Variants in STAT4 observed in about 807,000 individuals in gnomAD.
STAT4 encodes signal transducer and activator of transcription 4.
A neutral mutation model predicts 110.5 loss-of-function variants in STAT4; 42 were observed. The observed-to-expected ratio is 0.38, with a 90% CI of 0.30 to 0.49. The LOEUF (loss-of-function observed/expected upper bound fraction) is 0.49, where lower values mean the gene tolerates loss of function less well. Among genes scored for constraint, STAT4 ranks in the 20% least tolerant of loss-of-function variants. The pLI, the probability that STAT4 is intolerant of heterozygous loss-of-function variation, is 0.95. For missense variants in STAT4, 632 were observed against 887.9 expected, an observed-to-expected ratio of 0.71 and a Z score of 3.66; for synonymous variants, 284 against 302.2, an observed-to-expected ratio of 0.94 and a Z score of 0.63.
rs1212056619 is a variant in STAT4, at chr2:191,112,568, AGGATAGT to A, written c.273+34038_273+34044del. ...CTGTGGCACAATCTATATGTAGTAT[AGGATAGT>A]GATGAAACCAAAAGAAGCAATGAAT... On this transcript the variant is annotated intron_variant, in intron 3 of 23. Transcript: ENST00000392320. This position sits in a 1 kb window ranked among gnomAD's most constrained non-coding sequence, Gnocchi z 4.3. Among the ~76,000 whole-genome samples the A allele has an allele frequency of 6.6e-6, 1 of 152,276 alleles. No homozygotes were observed. Among genetic ancestry groups the A allele is most frequent in the Non-Finnish European group, 1.5e-5 (1 of 68,048 alleles).
At chr2:191,098,274 A>G (rs1245726161) in intron 3 of STAT4, among the ~76,000 whole-genome samples, 1 of 152,232 alleles carries the variant, frequency 6.6e-6, no homozygotes, top group Non-Finnish European at 1.5e-5. Context: ...TATACATCCA[A>G]AGGATTATAA....
intron 3 of STAT4, among the ~76,000 whole-genome samples, chr2:191,136,740 G>A (rs999612538): frequency 5.9e-5 from 9 of 152,158 alleles, no homozygotes; most frequent in African/African-American, 1.7e-4. Context: ...GGGTGACAGA[G>A]TGAGACTCTG....
At chr2:191,064,746 T>A in intron 8 of STAT4, 61 bp downstream of exon 8, 3 of 1,561,700 alleles carry the variant, frequency 1.9e-6, no homozygotes, top group Non-Finnish European at 1.7e-6. Context: ...TCTGGCTGAG[T>A]GACACTGAAG....
intron 3 of STAT4, among the ~76,000 whole-genome samples, chr2:191,133,411 A>G (rs1226543219): frequency 7.0e-6 from 1 of 141,934 alleles, no homozygotes; most frequent in African/African-American, 2.6e-5. Flanking sequence ...TATAAAAGCT[A>G]TGGAGGAAAA....
chr2:191,115,574 A>C (rs937689296), intron 3 of STAT4, among the ~76,000 whole-genome samples: 5 of 152,212 alleles, frequency 3.3e-5, no homozygotes, highest in Non-Finnish European at 5.9e-5. Context: ...TCTTGATGCT[A>C]TCTTATCAGA....
At position 191,083,685 on chromosome 2, in the gene STAT4, TGGTTG is replaced by T. The variant is rs1697550783; in HGVS notation, c.274-7365_274-7361del. On this transcript the variant is annotated intron_variant, in intron 3 of 23. Coordinates refer to ENST00000392320, the MANE Select transcript of STAT4 (RefSeq NM_003151.4). The surrounding 1 kb of genome is among the most constrained non-coding windows in gnomAD (Gnocchi z 4.6). ...AAATGTGCAACCTACTGCGTACTTC[TGGTTG>T]CCAACTAGCTCTCTCTCCCTTTGCA... Among the ~76,000 whole-genome samples the T allele has an allele frequency of 6.6e-6, 1 of 152,190 alleles. No homozygotes were observed. The highest frequency in any genetic ancestry group is 1.5e-5 in the Non-Finnish European group (1 of 68,040).
rs1698217565 is a variant in STAT4, at chr2:191,104,259, T to G, written c.274-27934A>C. Among the ~76,000 whole-genome samples the G allele has an allele frequency of 1.3e-5, 2 of 152,204 alleles. No individual in the cohort carries two copies. ...TTTTCCAAATTTCTTGTAATTAATT[T>G]GCATTACTCGTATAATTTTTAAAAA... On this transcript the variant is annotated intron_variant, in intron 3 of 23. Transcript: ENST00000392320. The surrounding 1 kb of genome is among the most constrained non-coding windows in gnomAD (Gnocchi z 4.3).
chr2:191,058,258 A>T lies in STAT4; in HGVS notation c.1095-39T>A. 6.4e-7 allele frequency: 1 copy of T among 1,558,718 alleles called. No homozygotes were observed. Among genetic ancestry groups the T allele is most frequent in the Non-Finnish European group, 8.8e-7 (1 of 1,133,486 alleles). ...AAGATTCTTTAAAACAAGCTATTTAATAGATCTAGGAATAACTTTCTATGA... is the reference window on the plus strand; with the variant it reads ...AAGATTCTTTAAAACAAGCTATTTATTAGATCTAGGAATAACTTTCTATGA... On this transcript the variant is annotated intron_variant, in intron 11 of 23. Transcript: ENST00000392320. This position sits in a 1 kb window ranked among gnomAD's most constrained non-coding sequence, Gnocchi z 4.3.
At chr2:191,121,714 C>T (rs1477079446) in intron 3 of STAT4, among the ~76,000 whole-genome samples, 3 of 137,974 alleles carry the variant, frequency 2.2e-5, no homozygotes, top group Non-Finnish European at 3.0e-5. Flanking sequence ...AGGTGGGAAT[C>T]GAAAAATGAG....
At position 191,110,575 on chromosome 2, in the gene STAT4, G is replaced by A. The variant is rs1403083444; in HGVS notation, c.274-34250C>T. ...GTGTCATACTAATTCCAATCTGAAA[G>A]TCTGAAAAAGACTTTTCTTTTGTCT... On this transcript the variant is annotated intron_variant, in intron 3 of 23. Coordinates refer to ENST00000392320, the MANE Select transcript of STAT4 (RefSeq NM_003151.4). This position sits in a 1 kb window ranked among gnomAD's most constrained non-coding sequence, Gnocchi z 4.5. Among the ~76,000 whole-genome samples, 2 of 152,088 alleles carry A rather than the reference G, an allele frequency of 1.3e-5. No homozygotes were observed. Among genetic ancestry groups the A allele is most frequent in the African/African-American group, 4.8e-5 (2 of 41,402 alleles).
chr2:191,069,656 G>T (rs1262980233), intron 6 of STAT4, 37 bp downstream of exon 6: 2 of 1,506,022 alleles, frequency 1.3e-6, no homozygotes, highest in Non-Finnish European at 1.8e-6. Flanking sequence ...ATGCCTTTTT[G>T]TCTCTATGCA....
In STAT4 at chr2:191,059,688, C is replaced by G. The variant is rs1696798651; in HGVS notation, c.1035-919G>C. ...AAACAGAGAATATGGCGATAAGCAG[C>G]TCACTGGCATTAGAGAAATGAAATC... On this transcript the variant is annotated intron_variant, in intron 10 of 23. Coordinates refer to ENST00000392320, the MANE Select transcript of STAT4 (RefSeq NM_003151.4). The surrounding 1 kb of genome is among the most constrained non-coding windows in gnomAD (Gnocchi z 4.7). Among the ~76,000 whole-genome samples the G allele has an allele frequency of 6.6e-6, 1 of 152,214 alleles. No individual in the cohort carries two copies. Among genetic ancestry groups the G allele is most frequent in the Admixed American group, 6.5e-5 (1 of 15,284 alleles).
chr2:191,089,716 C>A (rs1697739734), intron 3 of STAT4, among the ~76,000 whole-genome samples: 2 of 152,126 alleles, frequency 1.3e-5, no homozygotes, highest in African/African-American at 4.8e-5. Context: ...GAATATTATT[C>A]AGCACCAATA....
chr2:191,040,822 C>T (rs1433811670), intron 15 of STAT4, among the ~76,000 whole-genome samples: 3 of 152,184 alleles, frequency 2.0e-5, no homozygotes, highest in African/African-American at 7.2e-5. Flanking sequence ...CCTTGGCCTA[C>T]CAAAGTGCTG....
chr2:191,053,013 A>T lies in STAT4; in HGVS notation c.1251+1477T>A, dbSNP rs1050033523. On this transcript the variant is annotated intron_variant, in intron 14 of 23. Transcript: ENST00000392320. This position sits in a 1 kb window ranked among gnomAD's most constrained non-coding sequence, Gnocchi z 4.5. The stretch of plus-strand genomic sequence containing the variant: ...TTTGGTGAGGCTATGATGTTTGGCA[A>T]ATGATCTTTAAGACACAATTAAGGG... 3.9e-5 allele frequency among the ~76,000 whole-genome samples: 6 copies of T among 152,304 alleles called. No individual in the cohort carries two copies. Among genetic ancestry groups the T allele is most frequent in the African/African-American group, 1.2e-4 (5 of 41,560 alleles).
chr2:191,146,146 G>T lies in STAT4; in HGVS notation c.273+467C>A, dbSNP rs1158298622. On this transcript the variant is annotated intron_variant, in intron 3 of 23. Coordinates refer to ENST00000392320, the MANE Select transcript of STAT4 (RefSeq NM_003151.4). This position sits in a 1 kb window ranked among gnomAD's most constrained non-coding sequence, Gnocchi z 4.5. ...AAACACACAGAGATGGGCTCTGCCT[G>T]GGTGAACCAGAGAGTACCAAAGAAC... 6.6e-6 allele frequency among the ~76,000 whole-genome samples: 1 copy of T among 152,204 alleles called. No individual in the cohort carries two copies. The highest frequency in any genetic ancestry group is 1.5e-5 in the Non-Finnish European group (1 of 68,026).
In STAT4 at chr2:191,036,156, G is replaced by C. The variant is rs754035671; in HGVS notation, c.1570+8C>G. On this transcript the variant is annotated splice_region_variant and intron_variant, in intron 17 of 23. Coordinates refer to ENST00000392320, the MANE Select transcript of STAT4 (RefSeq NM_003151.4). ...AGAGGCAAATCCTCTCTATCTACCA[G>C]CTCTCACCTGTAAGCTTCTCTGCCA... 1 of 1,613,904 alleles carries C rather than the reference G, an allele frequency of 6.2e-7. No homozygotes were observed. The highest frequency in any genetic ancestry group is 1.7e-5 in the Admixed American group (1 of 60,000).
chr2:191,094,258 G>A (rs1574148921), intron 3 of STAT4, among the ~76,000 whole-genome samples: 1 of 152,274 alleles, frequency 6.6e-6, no homozygotes, highest in South Asian at 2.1e-4. Context: ...GATACTCCTT[G>A]AGAAGACCAA....
Position 191,135,913 on chromosome 2 carries a change from A to G in STAT4, c.273+10700T>C, listed in dbSNP as rs888070618. ...TACCAAAACCAGACAAGGACACAAC[A>G]CAAAGAGACAACTACAGGCCAATAT... is the stretch of plus-strand genomic sequence containing the variant. On this transcript the variant is annotated intron_variant, in intron 3 of 23. Transcript: ENST00000392320. This position sits in a 1 kb window ranked among gnomAD's most constrained non-coding sequence, Gnocchi z 4.8. Among the ~76,000 whole-genome samples, 1 of 152,022 alleles carries G rather than the reference A, an allele frequency of 6.6e-6. No homozygotes were observed. Among genetic ancestry groups the G allele is most frequent in the Non-Finnish European group, 1.5e-5 (1 of 68,006 alleles).
Sources: allele counts gnomAD v4.1 joint callset (sites outside exome capture counted in the v4.1 genomes callset), GRCh38; gene constraint gnomAD v4.1.1; non-coding constraint Gnocchi (gnomAD v3.1); transcripts MANE v1.5; gene names NCBI Gene and HGNC (gene_info 2026-07-23, HGNC 2026-07-21).